EP300: variants seen among roughly 807,000 people sequenced by gnomAD.
EP300 encodes the protein histone acetyltransferase p300.
In EP300, 31 loss-of-function variants were observed where a neutral mutation model predicts 264.0. That is an observed-to-expected ratio of 0.12 (90% CI 0.09 to 0.16). The LOEUF (loss-of-function observed/expected upper bound fraction) is 0.16. Among genes scored for constraint, EP300 ranks in the 10% least tolerant of loss-of-function variants. EP300 has a pLI of 1.00. For missense variants in EP300, 2,766 were observed against 3,052.9 expected (o/e 0.91, Z 2.21); for synonymous variants, 1,340 against 1,045.4 (o/e 1.28, Z -5.44).
At chr22:41,175,367 T>A (rs2059194486) in intron 29 of EP300, among the ~76,000 whole-genome samples, 1 of 152,230 alleles carries the variant, frequency 6.6e-6, no homozygotes, top group African/African-American at 2.4e-5. Flanking sequence ...AGGGGATGTT[T>A]TACATTTTAT....
Position 41,150,102 on chromosome 22 carries a change from T to C in EP300, c.2721T>C (p.Ala907=), listed in dbSNP as rs750583829. Residue 907 remains alanine (A), a synonymous_variant, in exon 14 of 31, where the codon GCT becomes GCC. Coordinates refer to ENST00000263253, the MANE Select transcript of EP300 (RefSeq NM_001429.4). ...CTTCACTTCCTGCTGCACCTTCTGC[T>C]GACCAGCCCCAGCAGCAGCCTCGCT... ...VQPSLPAAPS[A]DQPQQQPRSQ... The C allele has an allele frequency of 1.9e-6, 3 of 1,613,526 alleles. No individual in the cohort carries two copies. The South Asian group carries it at 3.3e-5, about 18-fold the overall frequency.
rs954933653 is a variant in EP300 at position 41,179,830 on chromosome 22, C to T, written c.*874C>T. On this transcript the variant is annotated 3_prime_UTR_variant, in exon 31 of 31. Coordinates refer to ENST00000263253, the MANE Select transcript of EP300 (RefSeq NM_001429.4). ...GATGATTTTAACATGCAAAATGTCC[C>T]TGGGGGTTTCTTCTTTGCTTGCTTT... 8.9e-6 allele frequency: 2 copies of T among 225,094 alleles called. No homozygotes were observed. Among genetic ancestry groups the T allele is most frequent in the African/African-American group, 4.5e-5 (2 of 44,736 alleles). 13.9% of individuals were successfully genotyped at this position (225,094 alleles called of 1,614,324 possible). A position where few individuals can be genotyped will look rare whatever the true frequency, so the allele number is the denominator to read the frequency against.
At position 41,154,376 on chromosome 22, in the gene EP300, C is replaced by CTTTTTTTTTTT. The variant is rs869304891; in HGVS notation, c.3143-606_3143-596dup. ...TCTTAACACGAGTATCTTGTGCACTCTTTTTTTTTTTTTTTTTTTTTTTGA... is the reference window on the plus strand; with the variant it reads ...TCTTAACACGAGTATCTTGTGCACTCTTTTTTTTTTTTTTTTTTTTTTTTTTTTTTTTTTGA... On this transcript the variant is annotated intron_variant, in intron 16 of 30. Transcript: ENST00000263253. 5.0e-4 allele frequency among the ~76,000 whole-genome samples: 31 copies of CTTTTTTTTTTT among 61,792 alleles called. 4 individuals are homozygous for CTTTTTTTTTTT. Among genetic ancestry groups the CTTTTTTTTTTT allele is most frequent in the African/African-American group, 1.5e-3 (24 of 16,164 alleles). 40.5% of individuals were successfully genotyped at this position (61,792 alleles called of 152,430 possible).
Position 41,179,879 on chromosome 22 carries a change from CTCACACACACACACACACACA to C in EP300, c.*924_*944del, listed in dbSNP as rs2059232592. 3.9e-4 allele frequency: 55 copies of C among 140,382 alleles called. 1 individual carries two copies. In the Admixed American group the frequency reaches 3.9e-3, roughly 10 times the overall value. 8.7% of individuals were successfully genotyped at this position (140,382 alleles called of 1,614,324 possible). A position where few individuals can be genotyped will look rare whatever the true frequency, so the allele number is the denominator to read the frequency against. On this transcript the variant is annotated 3_prime_UTR_variant, in exon 31 of 31. Coordinates refer to ENST00000263253, the MANE Select transcript of EP300 (RefSeq NM_001429.4). The stretch of plus-strand genomic sequence containing the variant: ...TTCTTCCTCCTTACCCTACCCCCCA[CTCACACACACACACACACACA>C]CACACACACACACACACACACACTT...
chr22:41,131,398 T>A lies in EP300; in HGVS notation c.1293T>A (p.Thr431=). ...TTTTGTCTTCTCTAGCAATTTTGAC[T>A]GGAGCACCCGTTGGACTTGGAAATC... is the stretch of plus-strand genomic sequence containing the variant. ...GDKRNQQPIL[T]GAPVGLGNPS... The change falls in exon 6 of 31, where the codon ACT becomes ACA. Residue 431 remains threonine (T), a synonymous_variant. Coordinates refer to ENST00000263253, the MANE Select transcript of EP300 (RefSeq NM_001429.4). The A allele has an allele frequency of 6.2e-7, 1 of 1,613,990 alleles. No homozygotes were observed. Among genetic ancestry groups the A allele is most frequent in the Non-Finnish European group, 8.5e-7 (1 of 1,180,024 alleles).
rs1029271881 is a variant in EP300, at chr22:41,155,022, C to T, written c.3170C>T (p.Ala1057Val). ...TTCAAACCAGAAGAACTACGACAGGCACTGATGCCAACTTTGGAGGCACTT... is the reference window on the plus strand; with the variant it reads ...TTCAAACCAGAAGAACTACGACAGGTACTGATGCCAACTTTGGAGGCACTT... ...KIFKPEELRQALMPTLEALYR... is the reference protein window; with the variant it reads ...KIFKPEELRQVLMPTLEALYR... The change falls in exon 17 of 31, where the codon GCA becomes GTA. Residue 1057 changes from alanine to valine, a missense_variant. Coordinates refer to ENST00000263253, the MANE Select transcript of EP300 (RefSeq NM_001429.4). 6.2e-7 allele frequency: 1 copy of T among 1,613,702 alleles called. No individual in the cohort carries two copies. Among genetic ancestry groups the T allele is most frequent in the Non-Finnish European group, 8.5e-7 (1 of 1,179,700 alleles).
At chr22:41,147,737 C>T in intron 11 of EP300, 100 bp from the exon 12 acceptor site, 2 of 760,400 alleles carry the variant, frequency 2.6e-6, no homozygotes, top group East Asian at 3.2e-5. Context: ...GACTCCGTCT[C>T]AAAAAAAAAA....
At chr22:41,095,451 C>T (rs1376812317) in intron 1 of EP300, among the ~76,000 whole-genome samples, 2 of 151,790 alleles carry the variant, frequency 1.3e-5, no homozygotes, top group African/African-American at 4.8e-5. Flanking sequence ...AGGCTGGTCT[C>T]GATCTCCTGC....
intron 8 of EP300, among the ~76,000 whole-genome samples, chr22:41,138,538 G>T (rs910806058): frequency 1.3e-5 from 2 of 152,150 alleles, no homozygotes; most frequent in Non-Finnish European, 2.9e-5. Flanking sequence ...TGTGCACATG[G>T]CAGTTTATTT....
At position 41,172,695 on chromosome 22, in the gene EP300, A is replaced by G. The variant is rs374231918; in HGVS notation, c.4617+32A>G. The G allele has an allele frequency of 1.1e-5, 17 of 1,598,850 alleles. No individual in the cohort carries two copies. In the African/African-American group the frequency reaches 1.6e-4, roughly 15 times the overall value. On this transcript the variant is annotated intron_variant, in intron 28 of 30. Transcript: ENST00000263253. ...GCATTGAGTTTCCTTTGAAACTTCT[A>G]TCATGATTCTAATATTTAATCCAGA...
chr22:41,093,254 T>G (rs1174262071), intron 1 of EP300, among the ~76,000 whole-genome samples, 156 bp downstream of exon 1: 1 of 152,202 alleles, frequency 6.6e-6, no homozygotes, highest in African/African-American at 2.4e-5. Flanking sequence ...AGACGTCCAG[T>G]AGCCCAACCA....
chr22:41,134,896 TTTTTTCTTTCTTTCTTTC>T (rs2058941429), intron 6 of EP300, among the ~76,000 whole-genome samples: 2 of 150,326 alleles, frequency 1.3e-5, no homozygotes, highest in African/African-American at 5.0e-5. Context: ...TGAGCATTGC[TTTTTTCTTTCTTTCTTTC>T]TTTTTCTTTT....
In EP300 at chr22:41,126,729, C is replaced by CTTTTTTTTTTT. The variant is rs71328775; in HGVS notation, c.906+711_906+721dup. ...TCATCTCTGTCCCGAGAAATGTTCA[C>CTTTTTTTTTTT]TTTTTTTTTTTTTTTTTTTTTTTTT... On this transcript the variant is annotated intron_variant, in intron 3 of 30. Coordinates refer to ENST00000263253, the MANE Select transcript of EP300 (RefSeq NM_001429.4). Among the ~76,000 whole-genome samples, 99 of 48,826 alleles carry CTTTTTTTTTTT rather than the reference C, an allele frequency of 2.0e-3. 20 individuals are homozygous for CTTTTTTTTTTT. Among genetic ancestry groups the CTTTTTTTTTTT allele is most frequent in the Non-Finnish European group, 2.3e-3 (67 of 29,212 alleles). 32.0% of individuals were successfully genotyped at this position (48,826 alleles called of 152,430 possible).
chr22:41,119,817 T>G (rs1461555444), intron 2 of EP300, among the ~76,000 whole-genome samples: 2 of 152,140 alleles, frequency 1.3e-5, no homozygotes, highest in Non-Finnish European at 2.9e-5. Context: ...TTTTATTTCC[T>G]TATTTGATTT....
chr22:41,137,515 C>T, intron 7 of EP300, 138 bp from the exon 8 acceptor site: 2 of 1,135,568 alleles, frequency 1.8e-6, no homozygotes, highest in Non-Finnish European at 2.6e-6. Flanking sequence ...TCACACACTT[C>T]TCCCTGCCTA....
intron 28 of EP300, 128 bp from the exon 29 acceptor site, chr22:41,173,495 C>A: frequency 2.0e-6 from 2 of 979,400 alleles, no homozygotes; most frequent in Non-Finnish European, 3.1e-6. Context: ...GTGAAGAGAA[C>A]AGCTAGTAAA....
chr22:41,119,334 T>G (rs1430186625), intron 2 of EP300, among the ~76,000 whole-genome samples: 1 of 151,824 alleles, frequency 6.6e-6, no homozygotes, highest in East Asian at 1.9e-4. Context: ...CTGACACTTT[T>G]AGATTGCCGT....
intron 2 of EP300, among the ~76,000 whole-genome samples, chr22:41,123,883 CAATT>C (rs917639178): frequency 1.1e-4 from 17 of 152,240 alleles, no homozygotes; most frequent in African/African-American, 3.9e-4. Context: ...TGCTGTTTTT[CAATT>C]AATTATTATT....
intron 25 of EP300, 137 bp downstream of exon 25, chr22:41,169,004 T>A: frequency 7.9e-7 from 1 of 1,261,926 alleles, no homozygotes; most frequent in Non-Finnish European, 1.1e-6. Flanking sequence ...CCAGTAATTT[T>A]AAAGTGAAAC....
Sources: gnomAD v4.1 joint callset for allele counts (sites outside exome capture counted in the v4.1 genomes callset) on GRCh38, gnomAD v4.1.1 for gene constraint, MANE v1.5 for transcripts, NCBI Gene and HGNC (gene_info 2026-07-23, HGNC 2026-07-21) for gene names.